Variants in PFKFB3 observed in about 807,000 individuals in gnomAD.
The protein encoded by PFKFB3 is 6-phosphofructo-2-kinase/fructose-2,6-bisphosphatase 3.
Under a neutral mutation model 68.0 loss-of-function variants are expected in PFKFB3, and 33 were observed. The ratio of observed to expected loss-of-function variants is 0.49; its 90% CI spans 0.37 to 0.65. PFKFB3 has a LOEUF of 0.65. PFKFB3 is among the 30% of genes least tolerant of loss of function. The pLI, the probability that PFKFB3 is intolerant of heterozygous loss-of-function variation, is 0.00. For missense variants in PFKFB3, 586 were observed against 712.2 expected (o/e 0.82, Z 2.02); for synonymous variants, 315 against 288.2 (o/e 1.09, Z -0.94).
At chr10:6,199,686 A>G (rs1164727647), upstream of PFKFB3, among the ~76,000 whole-genome samples, 7 of 39,622 alleles carry the variant, frequency 1.8e-4, no homozygotes, top group East Asian at 6.9e-3. Context: ...TTTTTTTTGC[A>G]GAGATGGGGT....
chr10:6,274,843 A>T, the PFKFB3 span, among the ~76,000 whole-genome samples: 1 of 151,890 alleles, frequency 6.6e-6, no homozygotes, highest in Non-Finnish European at 1.5e-5. Context: ...CTCAAAAAAA[A>T]AACAAAAAAC....
intron 14 of PFKFB3, among the ~76,000 whole-genome samples, chr10:6,241,140 C>T (rs550746064): frequency 3.9e-5 from 6 of 152,030 alleles, no homozygotes; most frequent in South Asian, 2.1e-4. Context: ...CTCCTGACCT[C>T]GTGATCCACC....
intron 1 of PFKFB3, among the ~76,000 whole-genome samples, chr10:6,186,170 T>C (rs530679773): frequency 1.3e-3 from 197 of 152,328 alleles, no homozygotes; most frequent in Non-Finnish European, 2.2e-3. Context: ...AATATTCTAA[T>C]TAGAAAGTTT....
intron 1 of PFKFB3, among the ~76,000 whole-genome samples, chr10:6,212,044 A>G (rs569771120): frequency 6.6e-6 from 1 of 152,336 alleles, no homozygotes; most frequent in South Asian, 2.1e-4. Flanking sequence ...CTCAGCTCGG[A>G]CATCAGGGCC....
intron 1 of PFKFB3, among the ~76,000 whole-genome samples, chr10:6,164,986 T>C (rs1266216677): frequency 6.6e-6 from 1 of 151,632 alleles, no homozygotes; most frequent in Admixed American, 6.6e-5. Context: ...CTTCCTCTTA[T>C]CTCAACTGCA....
At chr10:6,261,530 C>G in the PFKFB3 span, among the ~76,000 whole-genome samples, 1 of 152,142 alleles carries the variant, frequency 6.6e-6, no homozygotes, top group African/African-American at 2.4e-5. Context: ...GCCTTGTTGA[C>G]AGAGGAGAGT....
At position 6,223,994 on chromosome 10, in the gene PFKFB3, T is replaced by A; in HGVS notation, c.1250T>A (p.Val417Asp). Reference sequence around the variant, plus strand: ...TACCTGAAATGCCCTCTTCACACCGTCCTGAAACTGACGCCTGTCGCTTAT... The same window carrying A: ...TACCTGAAATGCCCTCTTCACACCGACCTGAAACTGACGCCTGTCGCTTAT... ...MPYLKCPLHTVLKLTPVAYGC... is the reference protein window; with the variant it reads ...MPYLKCPLHTDLKLTPVAYGC... The change falls in exon 12 of 15, where the codon GTC (valine) becomes GAC (aspartate). Residue 417 changes from valine to aspartate, a missense_variant. Coordinates refer to ENST00000379775, the MANE Select transcript of PFKFB3 (RefSeq NM_004566.4). The A allele has an allele frequency of 6.2e-7, 1 of 1,614,198 alleles. No homozygotes were observed. The highest frequency in any genetic ancestry group is 8.5e-7 in the Non-Finnish European group (1 of 1,180,014).
At chr10:6,192,664 C>CGTGTGT (rs34129264) in intron 1 of PFKFB3, among the ~76,000 whole-genome samples, 1,640 of 128,794 alleles carry the variant, frequency 0.013, 13 homozygotes, top group East Asian at 0.031. Context: ...TCCCCTCACC[C>CGTGTGT]GTGTGTGTGT....
intron 1 of PFKFB3, chr10:6,149,931 G>C (rs141869395): frequency 6.6e-6 from 1 of 152,108 alleles, no homozygotes; most frequent in African/African-American, 2.4e-5. Context: ...TTTTATGGCT[G>C]AGTAGTATTC....
intron 14 of PFKFB3, among the ~76,000 whole-genome samples, chr10:6,244,666 A>G (rs1846215403): frequency 6.6e-6 from 1 of 152,086 alleles, no homozygotes; most frequent in South Asian, 2.1e-4. Context: ...TTGGTCTTCT[A>G]AATCCACAGC....
Position 6,229,196 on chromosome 10 carries a change from C to G in PFKFB3, c.1515+2831C>G, listed in dbSNP as rs564953714. 5.8e-6 allele frequency: 3 copies of G among 516,320 alleles called. No individual in the cohort carries two copies. Among genetic ancestry groups the G allele is most frequent in the African/African-American group, 5.8e-5 (3 of 51,730 alleles). 32.0% of individuals were successfully genotyped at this position (516,320 alleles called of 1,614,324 possible). ...AATGGGAGAGGTTTGGCATGGCGCT[C>G]AGATTTTGGTGGCAAAGGGGTGAAG... On this transcript the variant is annotated intron_variant, in intron 14 of 14. Transcript: ENST00000379775. This position sits in a 1 kb window ranked among gnomAD's most constrained non-coding sequence, Gnocchi z 4.3.
At chr10:6,283,940 C>T in the PFKFB3 span, among the ~76,000 whole-genome samples, 3 of 152,174 alleles carry the variant, frequency 2.0e-5, no homozygotes, top group African/African-American at 7.2e-5. Context: ...CATCATGCCT[C>T]ATTACCCTAT....
At chr10:6,294,014 A>G in the PFKFB3 span, 1 of 526,588 alleles carries the variant, frequency 1.9e-6, no homozygotes, top group East Asian at 5.4e-5. Context: ...CTGCTCTACA[A>G]ATTCCAACAT....
downstream of PFKFB3, among the ~76,000 whole-genome samples, chr10:6,238,156 TTTTA>T (rs1304084179): frequency 1.3e-5 from 2 of 151,724 alleles, no homozygotes; most frequent in East Asian, 1.9e-4. Flanking sequence ...TTGGAGAAAT[TTTTA>T]TTTATTTATT....
At chr10:6,294,339 T>C in the PFKFB3 span, 2 of 396,814 alleles carry the variant, frequency 5.0e-6, no homozygotes, top group African/African-American at 2.1e-5. Flanking sequence ...AGAGATTTAA[T>C]TGACTCACAG....
At chr10:6,182,893 C>G (rs1368337399) in intron 1 of PFKFB3, among the ~76,000 whole-genome samples, 1 of 152,208 alleles carries the variant, frequency 6.6e-6, no homozygotes, top group African/African-American at 2.4e-5. Context: ...CCCCCAGGGT[C>G]TTCACTTGCT....
Position 6,223,129 on chromosome 10 carries a change from C to T in PFKFB3, c.1213+145C>T, listed in dbSNP as rs577531249. ...GGAGAAGGGCACAGGTGTCGGCTCC[C>T]GGCTGCTTCAGGTCCTCTCTGTCCA... is the stretch of plus-strand genomic sequence containing the variant. On this transcript the variant is annotated intron_variant, in intron 11 of 14. Coordinates refer to ENST00000379775, the MANE Select transcript of PFKFB3 (RefSeq NM_004566.4). 4.6e-5 allele frequency: 35 copies of T among 768,410 alleles called. 1 individual carries two copies. Among genetic ancestry groups the T allele is most frequent in the South Asian group, 2.8e-4 (15 of 54,218 alleles). The allele number at this position is 768,410 out of a possible 1,614,324, so 47.6% of individuals were successfully genotyped here.
At chr10:6,318,209 C>T in the PFKFB3 span, among the ~76,000 whole-genome samples, 7 of 152,216 alleles carry the variant, frequency 4.6e-5, no homozygotes, top group South Asian at 1.2e-3. Context: ...ACCCCTTGCC[C>T]ATCCATGCAC....
the PFKFB3 span, among the ~76,000 whole-genome samples, chr10:6,274,213 A>T: frequency 2.0e-5 from 3 of 151,970 alleles, no homozygotes; most frequent in Admixed American, 2.0e-4. Context: ...AAAAAAAAAA[A>T]ATTAAAAAAC....
Sources: allele counts gnomAD v4.1 joint callset (sites outside exome capture counted in the v4.1 genomes callset), GRCh38; gene constraint gnomAD v4.1.1; non-coding constraint Gnocchi (gnomAD v3.1); transcripts MANE v1.5; gene names NCBI Gene and HGNC (gene_info 2026-07-23, HGNC 2026-07-21).